STPG2: variants seen among roughly 807,000 people sequenced by gnomAD.
STPG2 encodes sperm tail PG-rich repeat containing 2, also known as sperm-tail PG-rich repeat-containing protein 2.
In STPG2, 56 loss-of-function variants were observed where a neutral mutation model predicts 54.2. That is an observed-to-expected ratio of 1.03 (90% CI 0.83 to 1.29). STPG2 has a LOEUF of 1.29. STPG2 is among the 50% of genes most tolerant of loss of function. The pLI is 0.00. For missense variants in STPG2, 596 were observed against 544.9 expected (o/e 1.09, Z -0.93); for synonymous variants, 200 against 181.8 (o/e 1.10, Z -0.81).
At chr4:97,812,455 T>A (rs1371582449) in intron 9 of STPG2, among the ~76,000 whole-genome samples, 3 of 152,186 alleles carry the variant, frequency 2.0e-5, no homozygotes, top group African/African-American at 7.2e-5. Flanking sequence ...TTGGATATCA[T>A]AAAGTAATTT....
chr4:97,788,150 T>G (rs796161565), intron 9 of STPG2, among the ~76,000 whole-genome samples: 51 of 152,160 alleles, frequency 3.4e-4, no homozygotes, highest in African/African-American at 1.1e-3. Context: ...CACCTCGTTG[T>G]GCTATCAAAA....
At chr4:97,909,689 TA>T (rs1731604250) in intron 8 of STPG2, among the ~76,000 whole-genome samples, 1 of 152,126 alleles carries the variant, frequency 6.6e-6, no homozygotes, top group Admixed American at 6.5e-5. Flanking sequence ...ATAAGAGAAT[TA>T]AAAAATCATA....
At chr4:97,999,533 T>C (rs1398616317) in intron 5 of STPG2, among the ~76,000 whole-genome samples, 2 of 152,022 alleles carry the variant, frequency 1.3e-5, no homozygotes, top group Non-Finnish European at 2.9e-5. Context: ...CAAAACCCCA[T>C]CTCTACTAAA....
chr4:97,752,873 G>C (rs1725620147), intron 9 of STPG2, among the ~76,000 whole-genome samples: 1 of 151,632 alleles, frequency 6.6e-6, no homozygotes, highest in African/African-American at 2.4e-5. Context: ...TAAACTCTTA[G>C]TTCTCTAAAT....
chr4:98,107,465 C>CGGGTAA (rs1195195845), intron 4 of STPG2, among the ~76,000 whole-genome samples: 9 of 113,998 alleles, frequency 7.9e-5, no homozygotes, highest in African/African-American at 3.1e-4. Flanking sequence ...TACATTTCTT[C>CGGGTAA]AGGTTAAAAC....
chr4:97,790,878 T>C (rs165237), intron 9 of STPG2, among the ~76,000 whole-genome samples: 88,629 of 151,972 alleles, frequency 0.58, 26,415 homozygotes, highest in East Asian at 0.74. Flanking sequence ...TTAATATATT[T>C]ACAGGTTCCA....
intron 8 of STPG2, among the ~76,000 whole-genome samples, chr4:97,891,645 C>T (rs1021133346): frequency 3.1e-4 from 47 of 151,918 alleles, no homozygotes; most frequent in African/African-American, 1.1e-3. Context: ...ATATATCTTG[C>T]TCTTATTCAT....
intron 8 of STPG2, among the ~76,000 whole-genome samples, chr4:97,885,478 T>C (rs941628231): frequency 9.2e-5 from 14 of 152,124 alleles, no homozygotes; most frequent in African/African-American, 3.1e-4. Context: ...TCCAACCTAG[T>C]AGAAAATATT....
intron 4 of STPG2, among the ~76,000 whole-genome samples, chr4:97,476,727 A>C (rs1730081647): frequency 6.6e-6 from 1 of 152,190 alleles, no homozygotes; most frequent in Non-Finnish European, 1.5e-5. Context: ...CAGGTCCCTG[A>C]ATTTTGGAAG....
intron 7 of STPG2, among the ~76,000 whole-genome samples, chr4:97,969,002 T>C (rs1734219403): frequency 6.6e-6 from 1 of 152,152 alleles, no homozygotes; most frequent in African/African-American, 2.4e-5. Flanking sequence ...GCAACCCTTG[T>C]GGAGAGCCTA....
At chr4:97,882,708 T>C (rs1730423152) in intron 8 of STPG2, among the ~76,000 whole-genome samples, 1 of 151,840 alleles carries the variant, frequency 6.6e-6, no homozygotes, top group African/African-American at 2.4e-5. Flanking sequence ...CATAAGGTAA[T>C]GATGAAAAAA....
At chr4:98,061,544 T>C (rs912826635) in intron 5 of STPG2, among the ~76,000 whole-genome samples, 1 of 152,036 alleles carries the variant, frequency 6.6e-6, no homozygotes, top group Non-Finnish European at 1.5e-5. Context: ...AATTACAGTT[T>C]AGCATTATAT....
chr4:97,484,844 C>T (rs2148823407), intron 4 of STPG2, among the ~76,000 whole-genome samples: 1 of 151,916 alleles, frequency 6.6e-6, no homozygotes, highest in Admixed American at 6.6e-5. Flanking sequence ...AACAACACTT[C>T]AAAAAGATAA....
At chr4:97,483,475 AG>A (rs1433277064) in intron 4 of STPG2, among the ~76,000 whole-genome samples, 1 of 151,798 alleles carries the variant, frequency 6.6e-6, no homozygotes, top group East Asian at 1.9e-4. Flanking sequence ...AAAAAGATAA[AG>A]AGGGACATTA....
chr4:97,948,603 A>C (rs548767327), intron 7 of STPG2, among the ~76,000 whole-genome samples: 1 of 151,980 alleles, frequency 6.6e-6, no homozygotes. Flanking sequence ...AGAAGTTTTG[A>C]TGACTCATGT....
At chr4:97,687,581 C>G (rs1470193363) in intron 10 of STPG2, among the ~76,000 whole-genome samples, 4 of 152,032 alleles carry the variant, frequency 2.6e-5, no homozygotes, top group Non-Finnish European at 4.4e-5. Flanking sequence ...CCCAGGTGAT[C>G]CATCAGCCTT....
chr4:97,574,331 TTG>T (rs1354443456), intron 10 of STPG2, among the ~76,000 whole-genome samples: 2 of 151,872 alleles, frequency 1.3e-5, no homozygotes, highest in Non-Finnish European at 2.9e-5. Context: ...AAAAGACAGA[TTG>T]ACAAGAGGAA....
At chr4:97,845,954 T>A (rs574056118) in intron 8 of STPG2, among the ~76,000 whole-genome samples, 1 of 152,278 alleles carries the variant, frequency 6.6e-6, no homozygotes, top group East Asian at 1.9e-4. Context: ...CTTTTGAAAG[T>A]CACATAGTAC....
intron 8 of STPG2, among the ~76,000 whole-genome samples, chr4:97,924,012 A>G (rs1191020867): frequency 6.6e-6 from 1 of 152,152 alleles, no homozygotes; most frequent in African/African-American, 2.4e-5. Flanking sequence ...CCCCTTCCAC[A>G]ATGTGGAAGC....
Sources: allele counts gnomAD v4.1 joint callset (sites outside exome capture counted in the v4.1 genomes callset), GRCh38; gene constraint gnomAD v4.1.1; transcripts MANE v1.5; gene names NCBI Gene and HGNC (gene_info 2026-07-23, HGNC 2026-07-21).